SET: variants seen among roughly 807,000 people sequenced by gnomAD.
SET encodes SET nuclear proto-oncogene.
A neutral mutation model predicts 39.0 loss-of-function variants in SET; 4 were observed. The observed-to-expected ratio is 0.10, with a 90% CI of 0.05 to 0.23. The LOEUF (loss-of-function observed/expected upper bound fraction) is 0.23, where lower values mean the gene tolerates loss of function less well. Among genes scored for constraint, SET ranks in the 10% least tolerant of loss-of-function variants. The pLI, the probability that SET is intolerant of heterozygous loss-of-function variation, is 1.00. For missense variants in SET, 137 were observed against 329.7 expected, an observed-to-expected ratio of 0.42 and a Z score of 4.53; for synonymous variants, 114 against 115.9, an observed-to-expected ratio of 0.98 and a Z score of 0.11.
upstream of SET, among the ~76,000 whole-genome samples, chr9:128,687,273 T>C (rs1861318466): frequency 1.3e-5 from 2 of 151,868 alleles, no homozygotes; most frequent in Admixed American, 1.3e-4. Flanking sequence ...ACACTCACCG[T>C]GCACTGTCTT....
upstream of SET, among the ~76,000 whole-genome samples, chr9:128,687,946 G>A (rs1298830688): frequency 6.6e-6 from 1 of 152,220 alleles, no homozygotes; most frequent in Non-Finnish European, 1.5e-5. Flanking sequence ...GCCGGGCGCA[G>A]TGGCTCCCGC....
At chr9:128,693,561 A>T in intron 5 of SET, 77 bp from the exon 6 acceptor site, 5 of 1,427,098 alleles carry the variant, frequency 3.5e-6, no homozygotes, top group Non-Finnish European at 4.7e-6. Context: ...TTTTGGGGAA[A>T]ATCTTATTTT....
chr9:128,690,352 T>C (rs1389827750), intron 1 of SET: 1 of 152,462 alleles, frequency 6.6e-6, no homozygotes, highest in Non-Finnish European at 1.5e-5. Context: ...CCTAGGAGGC[T>C]CTCGGCAGGG....
rs1861706827 is a variant in SET, at chr9:128,695,597, A to G, written c.*933A>G. The G allele has an allele frequency of 4.5e-6, 1 of 224,208 alleles. No individual in the cohort carries two copies. Among genetic ancestry groups the G allele is most frequent in the Non-Finnish European group, 9.0e-6 (1 of 111,456 alleles). The allele number at this position is 224,208 out of a possible 1,614,324, so 13.9% of individuals were successfully genotyped here. On this transcript the variant is annotated 3_prime_UTR_variant, in exon 8 of 8. Transcript: ENST00000322030. ...ATGACCTTCCAAGTTTGACTTGTATAACATCACTGTCAAACTTTGTCACCC... is the reference window on the plus strand; with the variant it reads ...ATGACCTTCCAAGTTTGACTTGTATGACATCACTGTCAAACTTTGTCACCC...
chr9:128,689,065 C>G (rs1236060851), upstream of SET, among the ~76,000 whole-genome samples: 2 of 150,164 alleles, frequency 1.3e-5, no homozygotes, highest in African/African-American at 4.9e-5. Context: ...TGCGTCGCCG[C>G]GCGCCTTCCT....
In SET at chr9:128,689,369, CCGG is replaced by C. The variant is rs1861410890; in HGVS notation, c.-212_-210del. Reference sequence around the variant, plus strand: ...CGCGAACAGGAGCCCGGGCCGGGGCCCGGCACGCCGCCCCAGCCCGTCCCTCGG... The same window carrying C: ...CGCGAACAGGAGCCCGGGCCGGGGCCCACGCCGCCCCAGCCCGTCCCTCGG... On this transcript the variant is annotated 5_prime_UTR_variant, in exon 1 of 8. Transcript: ENST00000322030. The C allele has an allele frequency of 3.9e-6, 4 of 1,015,822 alleles. No homozygotes were observed. The highest frequency in any genetic ancestry group is 1.7e-5 in the African/African-American group (1 of 58,442). 62.9% of individuals were successfully genotyped at this position (1,015,822 alleles called of 1,614,324 possible).
At chr9:128,687,719 AG>A (rs1861336982), upstream of SET, among the ~76,000 whole-genome samples, 1 of 151,554 alleles carries the variant, frequency 6.6e-6, no homozygotes, top group South Asian at 2.1e-4. Context: ...GAGAGATTTC[AG>A]GTATTTTTTT....
chr9:128,694,159 A>G (rs1861645624), intron 7 of SET, 117 bp downstream of exon 7: 2 of 947,714 alleles, frequency 2.1e-6, no homozygotes, highest in Admixed American at 7.0e-5. Context: ...TGTGGAAAAA[A>G]AGTAAGCCAT....
Position 128,693,794 on chromosome 9 carries a change from T to C in SET, c.649T>C (p.Leu217=). ...VIKDDIWPNP[L]QYYLVPDMDD... ...CAAAGATGATATTTGGCCAAACCCA[T>C]TACAGTACTACTTGGTGAGTTCTAA... The change falls in exon 6 of 8, where the codon TTA becomes CTA. Residue 217 remains leucine, a synonymous_variant. Transcript: ENST00000322030. 1 of 1,613,456 alleles carries C rather than the reference T, an allele frequency of 6.2e-7. No homozygotes were observed. The highest frequency in any genetic ancestry group is 8.5e-7 in the Non-Finnish European group (1 of 1,179,884).
chr9:128,684,945 G>A, upstream of SET: 5 of 1,160,952 alleles, frequency 4.3e-6, no homozygotes, highest in Non-Finnish European at 5.8e-6. Flanking sequence ...GCTGGATAGA[G>A]AGTTGACTGT....
chr9:128,690,612 C>G (rs1023735969), intron 1 of SET: 1 of 155,406 alleles, frequency 6.4e-6, no homozygotes, highest in Non-Finnish European at 1.4e-5. Context: ...TGGAGGGGTT[C>G]ATGTTCTGAG....
chr9:128,686,236 C>G (rs1167314555), upstream of SET, among the ~76,000 whole-genome samples: 1 of 152,120 alleles, frequency 6.6e-6, no homozygotes, highest in Non-Finnish European at 1.5e-5. Context: ...TTTGCTTTCT[C>G]TTTCTCTTCA....
At position 128,694,623 on chromosome 9, in the gene SET, G is replaced by A. The variant is rs991179654; in HGVS notation, c.811-18G>A. The A allele has an allele frequency of 9.6e-6, 15 of 1,560,788 alleles. No homozygotes were observed. Among genetic ancestry groups the A allele is most frequent in the Non-Finnish European group, 1.3e-5 (15 of 1,144,560 alleles). ...TCAGCATTAATCCTGAAGATTAACT[G>A]CCCACTTTTTCTTTCAGGAGGATGA... On this transcript the variant is annotated intron_variant, in intron 7 of 7. Transcript: ENST00000322030.
Position 128,692,017 on chromosome 9 carries a change from G to T in SET, c.274+17G>T. 1 of 1,612,508 alleles carries T rather than the reference G, an allele frequency of 6.2e-7. No individual in the cohort carries two copies. The highest frequency in any genetic ancestry group is 8.5e-7 in the Non-Finnish European group (1 of 1,179,264). On this transcript the variant is annotated intron_variant, in intron 3 of 7. Coordinates refer to ENST00000322030, the MANE Select transcript of SET (RefSeq NM_003011.4). ...ATCCACAAGGTATGTTTTGGACAGG[G>T]CATTGTTAAAGGATAAACAGTGTTT...
chr9:128,690,877 C>T, intron 1 of SET: 1 of 428,474 alleles, frequency 2.3e-6, no homozygotes, highest in Non-Finnish European at 4.2e-6. Context: ...TAAGGTTATT[C>T]TGTGTCTTTC....
Position 128,696,296 on chromosome 9 carries a change from A to G in SET, c.*1632A>G. On this transcript the variant is annotated 3_prime_UTR_variant, in exon 8 of 8. Transcript: ENST00000322030. ...AAAGTGTAACAACCTATCTAGATGG[A>G]TAGTATGTAATTTCTGCACAGGTCT... 5.2e-6 allele frequency: 1 copy of G among 193,344 alleles called. No individual in the cohort carries two copies. 12.0% of individuals were successfully genotyped at this position (193,344 alleles called of 1,614,324 possible).
intron 1 of SET, 120 bp from the exon 2 acceptor site, chr9:128,691,049 CT>C: frequency 1.3e-6 from 1 of 789,392 alleles, no homozygotes; most frequent in Admixed American, 1.9e-5. Context: ...ATGTGGAACG[CT>C]TGCCTTTGTA....
At position 128,694,838 on chromosome 9, in the gene SET, C is replaced by G; in HGVS notation, c.*174C>G. 1 of 470,520 alleles carries G rather than the reference C, an allele frequency of 2.1e-6. No homozygotes were observed. Among genetic ancestry groups the G allele is most frequent in the Non-Finnish European group, 3.6e-6 (1 of 274,690 alleles). 29.1% of individuals were successfully genotyped at this position (470,520 alleles called of 1,614,324 possible). A position where few individuals can be genotyped will look rare whatever the true frequency, so the allele number is the denominator to read the frequency against. On this transcript the variant is annotated 3_prime_UTR_variant, in exon 8 of 8. Coordinates refer to ENST00000322030, the MANE Select transcript of SET (RefSeq NM_003011.4). ...TCTCAATTTATTTGGGGGGAAATAC[C>G]TTGAGCAGAATACAATGGGAAAAGA...
chr9:128,684,415 C>T (rs1249179961), upstream of SET, among the ~76,000 whole-genome samples: 2 of 152,138 alleles, frequency 1.3e-5, no homozygotes, highest in Non-Finnish European at 2.9e-5. Context: ...TTGCTGCCGA[C>T]GGCGGCCCAC....
Sources: gnomAD v4.1 joint callset for allele counts (sites outside exome capture counted in the v4.1 genomes callset) on GRCh38, gnomAD v4.1.1 for gene constraint, MANE v1.5 for transcripts, NCBI Gene and HGNC (gene_info 2026-07-23, HGNC 2026-07-21) for gene names.